The following SLC35F3 variants were observed in gnomAD, a reference collection of about 807,000 sequenced individuals.
SLC35F3 encodes putative thiamine transporter SLC35F3.
A neutral mutation model predicts 49.9 loss-of-function variants in SLC35F3; 25 were observed. The ratio of observed to expected loss-of-function variants is 0.50; its 90% confidence interval spans 0.37 to 0.70. The LOEUF (loss-of-function observed/expected upper bound fraction) is 0.70. Among genes scored for constraint, SLC35F3 ranks in the 30% least tolerant of loss-of-function variants. SLC35F3 has a pLI of 0.00. For synonymous variants in SLC35F3, 275 were observed against 265.4 expected (o/e 1.04, Z -0.35); for missense variants, 525 against 639.8 (o/e 0.82, Z 1.94).
chr1:234,251,829 T>C (rs1008463278), intron 3 of SLC35F3, among the ~76,000 whole-genome samples: 1 of 152,080 alleles, frequency 6.6e-6, no homozygotes, highest in African/African-American at 2.4e-5. Context: ...ATAATAATCT[T>C]GTATAAGTGA....
intron 2 of SLC35F3, among the ~76,000 whole-genome samples, chr1:234,165,184 G>A (rs201271154): frequency 2.6e-5 from 4 of 152,034 alleles, no homozygotes; most frequent in South Asian, 4.2e-4. Flanking sequence ...GTTACGGCTT[G>A]TTTAAATCTC....
chr1:234,055,879 T>C (rs1415530953), intron 2 of SLC35F3, among the ~76,000 whole-genome samples: 26 of 152,246 alleles, frequency 1.7e-4, no homozygotes, highest in Admixed American at 1.7e-3. Context: ...GGATAATTTC[T>C]TTTAAAATAT....
intron 2 of SLC35F3, among the ~76,000 whole-genome samples, chr1:234,081,806 G>A (rs1664880335): frequency 6.6e-6 from 1 of 150,692 alleles, no homozygotes; most frequent in African/African-American, 2.4e-5. Flanking sequence ...GGCGCGATCT[G>A]GGCTCACTGC....
chr1:234,146,075 G>C (rs1665991232), intron 2 of SLC35F3, among the ~76,000 whole-genome samples: 1 of 151,810 alleles, frequency 6.6e-6, no homozygotes, highest in Non-Finnish European at 1.5e-5. Context: ...TTTTTAATCT[G>C]GTAATTTCTA....
chr1:234,157,279 C>CT (rs1453300346), intron 2 of SLC35F3, among the ~76,000 whole-genome samples: 1 of 152,014 alleles, frequency 6.6e-6, no homozygotes. Context: ...GCTCGTTTTT[C>CT]TTTTTTATAT....
chr1:234,045,974 GCTAATATTCAACTACAATA>G (rs1466718877), intron 2 of SLC35F3, among the ~76,000 whole-genome samples: 1 of 151,990 alleles, frequency 6.6e-6, no homozygotes, highest in Non-Finnish European at 1.5e-5. Flanking sequence ...ACATAGATAT[GCTAATATTCAACTACAATA>G]CTCCATTGTA....
At chr1:234,202,376 T>A (rs1025050498) in intron 2 of SLC35F3, among the ~76,000 whole-genome samples, 3 of 152,266 alleles carry the variant, frequency 2.0e-5, no homozygotes, top group African/African-American at 7.2e-5. Context: ...GGGGGAAGTC[T>A]TGAATTGTGT....
intron 3 of SLC35F3, chr1:234,306,529 G>A (rs1657188715): frequency 6.6e-6 from 1 of 152,628 alleles, no homozygotes; most frequent in South Asian, 2.1e-4. Context: ...ATAGTCTTTG[G>A]TCTCAAAATA....
Position 234,011,649 on chromosome 1 carries a change from A to G in SLC35F3, c.283+105891A>G, listed in dbSNP as rs949385638. On this transcript the variant is annotated intron_variant, in intron 2 of 7. Transcript: ENST00000366618. ...TCAGGATGTGGGAGGAAGTGAGAGC[A>G]CTTGAAGAAAATCCACGTAGACATG... Among the ~76,000 whole-genome samples, 2 of 152,188 alleles carry G rather than the reference A, an allele frequency of 1.3e-5. 1 individual carries two copies. Among genetic ancestry groups the G allele is most frequent in the Non-Finnish European group, 2.9e-5 (2 of 68,032 alleles).
chr1:234,239,784 A>G (rs1214774992), intron 3 of SLC35F3, among the ~76,000 whole-genome samples: 1 of 152,228 alleles, frequency 6.6e-6, no homozygotes, highest in Non-Finnish European at 1.5e-5. Flanking sequence ...TTGCCATTAG[A>G]TAGTTTGGGC....
chr1:234,250,530 T>C (rs1667720822), intron 3 of SLC35F3, among the ~76,000 whole-genome samples: 1 of 150,862 alleles, frequency 6.6e-6, no homozygotes, highest in Non-Finnish European at 1.5e-5. Flanking sequence ...GGCGGGCGCC[T>C]GTAGTCCCAG....
intron 2 of SLC35F3, among the ~76,000 whole-genome samples, chr1:233,914,351 CAG>C (rs1661933695): frequency 6.6e-6 from 1 of 152,148 alleles, no homozygotes; most frequent in Non-Finnish European, 1.5e-5. Context: ...TCAAGTAACC[CAG>C]AGAGAGCAGT....
chr1:234,070,781 CAT>C (rs1664701537), intron 2 of SLC35F3, among the ~76,000 whole-genome samples: 1 of 152,022 alleles, frequency 6.6e-6, no homozygotes, highest in Admixed American at 6.5e-5. Context: ...TTATAATTGA[CAT>C]ATTTTTATGC....
At chr1:234,202,098 G>A (rs1666908742) in intron 2 of SLC35F3, among the ~76,000 whole-genome samples, 1 of 152,096 alleles carries the variant, frequency 6.6e-6, no homozygotes, top group African/African-American at 2.4e-5. Context: ...CACGTCCTTT[G>A]CAGGGACATA....
chr1:233,911,069 A>AT (rs1327964984), intron 2 of SLC35F3, among the ~76,000 whole-genome samples: 1 of 152,140 alleles, frequency 6.6e-6, no homozygotes, highest in Non-Finnish European at 1.5e-5. Flanking sequence ...AGGAAATTGC[A>AT]TGTTTCAGGA....
chr1:234,024,359 C>T (rs986234858), intron 2 of SLC35F3, among the ~76,000 whole-genome samples: 5 of 152,106 alleles, frequency 3.3e-5, no homozygotes, highest in Non-Finnish European at 5.9e-5. Context: ...GTGCCAAGCT[C>T]GGGGCTTCAA....
rs113822234 is a variant in SLC35F3 at position 234,160,610 on chromosome 1, G to A, written c.284-70807G>A. Among the ~76,000 whole-genome samples the A allele has an allele frequency of 9.3e-3, 1,414 of 152,194 alleles. 29 individuals carry two copies. The highest frequency in any genetic ancestry group is 0.032 in the African/African-American group (1,345 of 41,524). ...TAAGCACAGGCCAGGACTGTCCAGG[G>A]CAACCCAGGACATATGGTCACTCTA... On this transcript the variant is annotated intron_variant, in intron 2 of 7. Transcript: ENST00000366618.
At chr1:234,066,828 TCCCACACACA>T (rs1355684105) in intron 2 of SLC35F3, among the ~76,000 whole-genome samples, 8 of 99,048 alleles carry the variant, frequency 8.1e-5, no homozygotes, top group African/African-American at 3.1e-4. Flanking sequence ...TCCCTCTCTC[TCCCACACACA>T]CACACACACA....
intron 2 of SLC35F3, among the ~76,000 whole-genome samples, chr1:234,082,211 C>A (rs1212608105): frequency 6.6e-6 from 1 of 152,038 alleles, no homozygotes; most frequent in Non-Finnish European, 1.5e-5. Context: ...GATCAGTTTT[C>A]TGCGGTTCAT....
Sources: gnomAD v4.1 joint callset for allele counts (sites outside exome capture counted in the v4.1 genomes callset) on GRCh38, gnomAD v4.1.1 for gene constraint, MANE v1.5 for transcripts, NCBI Gene and HGNC (gene_info 2026-07-23, HGNC 2026-07-21) for gene names.